The following CHRNA3 variants were observed in gnomAD, a reference collection of about 807,000 sequenced individuals.
CHRNA3 encodes neuronal acetylcholine receptor subunit alpha-3.
CHRNA3 carries 34 observed loss-of-function variants against 41.9 expected under a neutral mutation model. That is an observed-to-expected ratio of 0.81 (90% CI 0.62 to 1.08). The LOEUF is 1.08. Ranked by LOEUF, CHRNA3 falls within the 50% of genes least tolerant of loss-of-function variation. The probability of loss-of-function intolerance (pLI) is 0.00; values close to 1 mark genes in which losing one functional copy is unlikely to be tolerated. For synonymous variants in CHRNA3, 281 were observed against 265.2 expected (o/e 1.06, Z -0.58); for missense variants, 542 against 638.3 (o/e 0.85, Z 1.63).
At chr15:78,613,877 C>T (rs958584199) in intron 4 of CHRNA3, among the ~76,000 whole-genome samples, 20 of 151,372 alleles carry the variant, frequency 1.3e-4, no homozygotes, top group Non-Finnish European at 2.5e-4. Flanking sequence ...ACCAGGGAGG[C>T]GGAGCTTGCA....
chr15:78,605,454 T>G (rs976312231), intron 4 of CHRNA3, among the ~76,000 whole-genome samples: 5 of 152,152 alleles, frequency 3.3e-5, no homozygotes, highest in Non-Finnish European at 7.4e-5. Context: ...TCTCATGTCC[T>G]AAGATCCTAA....
chr15:78,598,001 T>G (rs1467756979), intron 5 of CHRNA3, among the ~76,000 whole-genome samples: 1 of 152,158 alleles, frequency 6.6e-6, no homozygotes, highest in Non-Finnish European at 1.5e-5. Context: ...TAAGACTGGT[T>G]TGTGTGTGCT....
In CHRNA3 at chr15:78,620,617, G is replaced by C. The variant is rs865812885; in HGVS notation, c.82+96C>G. On this transcript the variant is annotated intron_variant, in intron 1 of 5. Transcript: ENST00000326828. The stretch of plus-strand genomic sequence containing the variant: ...CCCGGCGACGGCGCCAGCCCTCTCC[G>C]CTCGCCCGCGCGGTGTTCTCGCCGG... The C allele has an allele frequency of 1.8e-5, 26 of 1,419,900 alleles. No homozygotes were observed. The African/African-American group carries it at 2.9e-4, about 16-fold the overall frequency. The allele number at this position is 1,419,900 out of a possible 1,614,324, so 88.0% of individuals were successfully genotyped here. A position where few individuals can be genotyped will look rare whatever the true frequency, so the allele number is the denominator to read the frequency against.
Position 78,620,745 on chromosome 15 carries a change from AGCCG to A in CHRNA3, c.46_49del (p.Arg16CysfsTer37). 7.3e-7 allele frequency: 1 copy of A among 1,365,778 alleles called. No homozygotes were observed. Among genetic ancestry groups the A allele is most frequent in the Admixed American group, 2.2e-5 (1 of 45,294 alleles). The allele number at this position is 1,365,778 out of a possible 1,614,324, so 84.6% of individuals were successfully genotyped here. A position where few individuals can be genotyped will look rare whatever the true frequency, so the allele number is the denominator to read the frequency against. ...CAGAGACAGCAGCAGCAGCAGCAGCAGCCGCGGCGGCGACAGCGCCAGGGGCAGC... is the reference window on the plus strand; with the variant it reads ...CAGAGACAGCAGCAGCAGCAGCAGCACGGCGGCGACAGCGCCAGGGGCAGC... On this transcript the variant is annotated frameshift_variant, in exon 1 of 6. Coordinates refer to ENST00000326828, the MANE Select transcript of CHRNA3 (RefSeq NM_000743.5). LOFTEE classifies it high-confidence loss of function.
At chr15:78,614,343 G>A (rs1265690047) in intron 4 of CHRNA3, among the ~76,000 whole-genome samples, 1 of 152,204 alleles carries the variant, frequency 6.6e-6, no homozygotes, top group Non-Finnish European at 1.5e-5. Flanking sequence ...ACAATTCAGT[G>A]CAAGAAGAAA....
downstream of CHRNA3, chr15:78,593,325 A>C: frequency 7.1e-7 from 1 of 1,409,980 alleles, no homozygotes; most frequent in Non-Finnish European, 9.4e-7. Context: ...AAATTATGAA[A>C]ATGTAAGTTA....
In CHRNA3 at chr15:78,601,346, C is replaced by T. The variant is rs777086360; in HGVS notation, c.1296G>A (p.Leu432=). 4 of 1,614,088 alleles carry T rather than the reference C, an allele frequency of 2.5e-6. No homozygotes were observed. The African/African-American group carries it at 5.3e-5, about 22-fold the overall frequency. ...TTTCTGGTGACAAAGCAGAGAGGGA[C>T]AGCACAGCATCAACAGATTCAGAAC... ...SSSSESVDAV[L]SLSALSPEIK... is the part of the protein sequence containing the mutation. Residue 432 remains leucine, a synonymous_variant, in exon 5 of 6, where the codon CTG becomes CTA. Transcript: ENST00000326828.
Position 78,596,721 on chromosome 15 carries a change from A to G in CHRNA3, c.1401T>C (p.Asp467=). The G allele has an allele frequency of 1.3e-6, 2 of 1,599,756 alleles. No homozygotes were observed. The highest frequency in any genetic ancestry group is 1.7e-6 in the Non-Finnish European group (2 of 1,176,816). The part of the protein sequence containing the change: ...AQNEAKEIQD[D]WKYVAMVIDR... ...CAATCACCATGGCAACATACTTCCA[A>G]TCATCTTGAATCTGCAAAACAAAAT... Residue 467 remains aspartate, a synonymous_variant, in exon 6 of 6, where the codon GAT becomes GAC. Transcript: ENST00000326828.
At position 78,595,577 on chromosome 15, in the gene CHRNA3, T is replaced by TA; in HGVS notation, c.*1026dup. ...GGCATCTAGTGAGTTGAGGCTAGGG[T>TA]ACTGCTAAAGATCCTACAATGCACA... On this transcript the variant is annotated 3_prime_UTR_variant, in exon 6 of 6. Coordinates refer to ENST00000326828, the MANE Select transcript of CHRNA3 (RefSeq NM_000743.5). 1 of 172,834 alleles carries TA rather than the reference T, an allele frequency of 5.8e-6. No individual in the cohort carries two copies. Among genetic ancestry groups the TA allele is most frequent in the Non-Finnish European group, 1.2e-5 (1 of 86,810 alleles). 10.7% of individuals were successfully genotyped at this position (172,834 alleles called of 1,614,324 possible). A position where few individuals can be genotyped will look rare whatever the true frequency, so the allele number is the denominator to read the frequency against.
intron 5 of CHRNA3, among the ~76,000 whole-genome samples, chr15:78,599,194 T>A (rs1408706906): frequency 6.6e-6 from 1 of 151,964 alleles, no homozygotes; most frequent in East Asian, 1.9e-4. Flanking sequence ...CCCAGGATGG[T>A]TTTGAACTCC....
chr15:78,599,437 G>A (rs537394929), intron 5 of CHRNA3, among the ~76,000 whole-genome samples: 2 of 152,146 alleles, frequency 1.3e-5, no homozygotes, highest in Non-Finnish European at 2.9e-5. Context: ...TGTGGCCAGA[G>A]ACTGGGGCTG....
At chr15:78,607,988 G>C (rs1250207685) in intron 4 of CHRNA3, among the ~76,000 whole-genome samples, 2 of 152,244 alleles carry the variant, frequency 1.3e-5, no homozygotes, top group Non-Finnish European at 2.9e-5. Context: ...AGCAGTCTGA[G>C]ATCAAACTGC....
intron 4 of CHRNA3, among the ~76,000 whole-genome samples, chr15:78,602,965 G>T (rs2141327753): frequency 6.6e-6 from 1 of 152,112 alleles, no homozygotes; most frequent in East Asian, 1.9e-4. Flanking sequence ...TTCTCCCCAT[G>T]TTTCTTCTCC....
chr15:78,615,382 G>A (rs2053445267), intron 4 of CHRNA3, among the ~76,000 whole-genome samples: 1 of 152,028 alleles, frequency 6.6e-6, no homozygotes, highest in African/African-American at 2.4e-5. Context: ...TCAGCCCCCT[G>A]ATCACAGCAT....
At position 78,595,949 on chromosome 15, in the gene CHRNA3, G is replaced by T; in HGVS notation, c.*655C>A. The T allele has an allele frequency of 1.5e-6, 1 of 666,122 alleles. No homozygotes were observed. Among genetic ancestry groups the T allele is most frequent in the Non-Finnish European group, 1.9e-6 (1 of 539,742 alleles). 41.3% of individuals were successfully genotyped at this position (666,122 alleles called of 1,614,324 possible). The stretch of plus-strand genomic sequence containing the variant: ...CAAATTTGCTGGTGCCTTGACCTTG[G>T]ACCTCCCAACCTCCAAAACTGAGAA... On this transcript the variant is annotated 3_prime_UTR_variant, in exon 6 of 6. Coordinates refer to ENST00000326828, the MANE Select transcript of CHRNA3 (RefSeq NM_000743.5).
intron 4 of CHRNA3, among the ~76,000 whole-genome samples, chr15:78,612,298 A>G (rs916587966): frequency 3.4e-5 from 5 of 148,996 alleles, no homozygotes; most frequent in Admixed American, 1.3e-4. Flanking sequence ...GAGGCATCAC[A>G]CTACCTGACT....
At chr15:78,597,392 C>G (rs899807481) in intron 5 of CHRNA3, among the ~76,000 whole-genome samples, 1 of 152,162 alleles carries the variant, frequency 6.6e-6, no homozygotes, top group Non-Finnish European at 1.5e-5. Flanking sequence ...GATCACGCCA[C>G]TGCACTCCAG....
At chr15:78,609,339 T>C (rs181033650) in intron 4 of CHRNA3, among the ~76,000 whole-genome samples, 1 of 152,290 alleles carries the variant, frequency 6.6e-6, no homozygotes, top group East Asian at 1.9e-4. Context: ...AAAGGTCGGG[T>C]TACCCACAAA....
In CHRNA3 at chr15:78,618,814, T is replaced by C; in HGVS notation, c.184A>G (p.Ile62Val). The C allele has an allele frequency of 6.2e-7, 1 of 1,614,116 alleles. No individual in the cohort carries two copies. Among genetic ancestry groups the C allele is most frequent in the Non-Finnish European group, 8.5e-7 (1 of 1,180,020 alleles). Residue 62 changes from isoleucine to valine, a missense_variant, in exon 2 of 6, where the codon ATC becomes GTC. By Grantham distance (29) the Ile-to-Val change is conservative. Coordinates refer to ENST00000326828, the MANE Select transcript of CHRNA3 (RefSeq NM_000743.5). Reference sequence around the variant, plus strand: ...TGAGACATGGACACCTCGAAATGGATGATGACTGGGTCAGACACGTTGGCT... The same window carrying C: ...TGAGACATGGACACCTCGAAATGGACGATGACTGGGTCAGACACGTTGGCT... ...PVANVSDPVI[I>V]HFEVSMSQLV...
Sources: allele counts gnomAD v4.1 joint callset (sites outside exome capture counted in the v4.1 genomes callset), GRCh38; gene constraint gnomAD v4.1.1; transcripts MANE v1.5; gene names NCBI Gene and HGNC (gene_info 2026-07-23, HGNC 2026-07-21).